Variants in PRSS38 observed in about 807,000 individuals in gnomAD.
PRSS38 encodes the protein marapsin 2.
PRSS38 carries 22 observed loss-of-function variants against 26.8 expected under a neutral mutation model. The ratio of observed to expected loss-of-function variants is 0.82; its 90% CI spans 0.59 to 1.17. PRSS38 has a LOEUF of 1.17. Ranked by LOEUF, PRSS38 falls within the 50% of genes most tolerant of loss-of-function variation. The pLI, the probability that PRSS38 is intolerant of heterozygous loss-of-function variation, is 0.00. For missense variants in PRSS38, 427 were observed against 422.7 expected (o/e 1.01, Z -0.09); for synonymous variants, 175 against 172.1 (o/e 1.02, Z -0.13).
chr1:227,815,896 T>C (rs1664904344), intron 1 of PRSS38, 32 bp downstream of exon 1: 1 of 1,575,188 alleles, frequency 6.3e-7, no homozygotes, highest in African/African-American at 1.3e-5. Flanking sequence ...GATGGGCGGC[T>C]GGAGACAGTG....
At chr1:227,840,937 A>T (rs1365290310) in intron 3 of PRSS38, among the ~76,000 whole-genome samples, 5 of 152,152 alleles carry the variant, frequency 3.3e-5, no homozygotes, top group Non-Finnish European at 7.4e-5. Context: ...ATTTTTCCAG[A>T]TTCTACTGTG....
intron 3 of PRSS38, among the ~76,000 whole-genome samples, chr1:227,841,535 G>A (rs912283083): frequency 6.6e-6 from 1 of 152,196 alleles, no homozygotes; most frequent in African/African-American, 2.4e-5. Context: ...ACTTTAAATA[G>A]CGTAACTCCA....
At chr1:227,829,153 C>G (rs1035823951) in intron 3 of PRSS38, among the ~76,000 whole-genome samples, 1 of 152,176 alleles carries the variant, frequency 6.6e-6, no homozygotes, top group Non-Finnish European at 1.5e-5. Context: ...GTTGAAAATG[C>G]TGAATTCACT....
chr1:227,838,650 C>T (rs1025662278), intron 3 of PRSS38, among the ~76,000 whole-genome samples: 4 of 152,142 alleles, frequency 2.6e-5, no homozygotes, highest in Admixed American at 2.6e-4. Flanking sequence ...GTCTATTTGT[C>T]ATGGTGCCAG....
intron 3 of PRSS38, among the ~76,000 whole-genome samples, chr1:227,824,225 A>G (rs976227824): frequency 6.6e-6 from 1 of 151,840 alleles, no homozygotes; most frequent in Non-Finnish European, 1.5e-5. Flanking sequence ...CCCTCCCTCT[A>G]TCCCCCCAAA....
At chr1:227,844,932 C>T (rs1456928545) in intron 3 of PRSS38, among the ~76,000 whole-genome samples, 1 of 145,066 alleles carries the variant, frequency 6.9e-6, no homozygotes, top group African/African-American at 2.5e-5. Flanking sequence ...TGGGACTCCT[C>T]CCTATGTGTG....
At chr1:227,817,972 T>C (rs1664947494) in intron 3 of PRSS38, among the ~76,000 whole-genome samples, 2 of 152,212 alleles carry the variant, frequency 1.3e-5, no homozygotes, top group South Asian at 4.1e-4. Flanking sequence ...TTATATCCAG[T>C]CATCTTATAG....
intron 3 of PRSS38, among the ~76,000 whole-genome samples, chr1:227,826,101 C>T (rs1036890594): frequency 6.6e-6 from 1 of 152,078 alleles, no homozygotes; most frequent in South Asian, 2.1e-4. Flanking sequence ...CTTCACTTCC[C>T]TTGTTAGCTG....
At chr1:227,818,155 G>A (rs1664949508) in intron 3 of PRSS38, among the ~76,000 whole-genome samples, 1 of 152,184 alleles carries the variant, frequency 6.6e-6, no homozygotes, top group South Asian at 2.1e-4. Flanking sequence ...GCCAGATCTT[G>A]TCTTGGTTTT....
intron 3 of PRSS38, among the ~76,000 whole-genome samples, chr1:227,822,257 C>T (rs1258007452): frequency 6.6e-6 from 1 of 151,914 alleles, no homozygotes; most frequent in Non-Finnish European, 1.5e-5. Flanking sequence ...AATTCTTTGT[C>T]TATGTTTTCC....
chr1:227,835,291 C>T (rs988454961), intron 3 of PRSS38, among the ~76,000 whole-genome samples: 1 of 152,186 alleles, frequency 6.6e-6, no homozygotes, highest in Non-Finnish European at 1.5e-5. Context: ...TTAAACAGGC[C>T]AAGTGCACTG....
chr1:227,824,640 G>T (rs529186960), intron 3 of PRSS38, among the ~76,000 whole-genome samples: 43 of 152,060 alleles, frequency 2.8e-4, no homozygotes, highest in Non-Finnish European at 1.5e-5. Flanking sequence ...TTGAGGACTC[G>T]CCACACTGTC....
exon 5 of PRSS38, chr1:227,846,007 T>C (rs778328729): frequency 2.5e-6 from 4 of 1,614,178 alleles, no homozygotes; most frequent in Non-Finnish European, 3.4e-6. Flanking sequence ...GGTTGCAGAT[T>C]GGAATTGTGA....
At chr1:227,842,705 T>C (rs982095936) in intron 3 of PRSS38, among the ~76,000 whole-genome samples, 2 of 152,050 alleles carry the variant, frequency 1.3e-5, no homozygotes, top group Non-Finnish European at 2.9e-5. Context: ...CTCAGCCTCC[T>C]GAGTAGCTGG....
intron 3 of PRSS38, among the ~76,000 whole-genome samples, chr1:227,844,287 G>T (rs994648477): frequency 2.6e-5 from 4 of 151,904 alleles, no homozygotes; most frequent in African/African-American, 9.7e-5. Context: ...TTCATTCATG[G>T]GTCATCGGGG....
In PRSS38 at chr1:227,816,805, G is replaced by A. The variant is rs1325025434; in HGVS notation, c.312-404G>A. On this transcript the variant is annotated intron_variant, in intron 2 of 4. Coordinates refer to ENST00000366757, the Ensembl canonical transcript of PRSS38. The surrounding 1 kb of genome is among the most constrained non-coding windows in gnomAD (Gnocchi z 5.1). ...AGCCAGGTCCTCATAAGCAAGGCTG[G>A]TCTCTAAGCACCTGGCCTTCCCGAT... Among the ~76,000 whole-genome samples the A allele has an allele frequency of 6.6e-6, 1 of 152,240 alleles. No individual in the cohort carries two copies. The highest frequency in any genetic ancestry group is 6.5e-5 in the Admixed American group (1 of 15,286).
intron 3 of PRSS38, among the ~76,000 whole-genome samples, chr1:227,823,106 T>C (rs1317754797): frequency 6.6e-6 from 1 of 151,904 alleles, no homozygotes; most frequent in Non-Finnish European, 1.5e-5. Flanking sequence ...CCTCCTACCT[T>C]GCTGAGTCTC....
chr1:227,835,246 T>G (rs1665222087), intron 3 of PRSS38, among the ~76,000 whole-genome samples: 1 of 152,258 alleles, frequency 6.6e-6, no homozygotes, highest in South Asian at 2.1e-4. Flanking sequence ...AATGACATAC[T>G]CCCTGCAGAA....
intron 3 of PRSS38, 75 bp downstream of exon 3, chr1:227,817,555 A>G: frequency 6.6e-7 from 1 of 1,504,710 alleles, no homozygotes; most frequent in Non-Finnish European, 9.1e-7. Flanking sequence ...ATGCTCTGCC[A>G]GCTAAGGGGG....
Sources: allele counts gnomAD v4.1 joint callset (sites outside exome capture counted in the v4.1 genomes callset), GRCh38; gene constraint gnomAD v4.1.1; non-coding constraint Gnocchi (gnomAD v3.1); transcripts MANE v1.5; gene names NCBI Gene and HGNC (gene_info 2026-07-23, HGNC 2026-07-21).